The following PPP1R14C variants were observed in gnomAD, a reference collection of about 807,000 sequenced individuals.
PPP1R14C encodes protein phosphatase 1 regulatory subunit 14C.
PPP1R14C carries 16 observed loss-of-function variants against 20.4 expected under a neutral mutation model. The ratio of observed to expected loss-of-function variants is 0.78; its 90% CI spans 0.53 to 1.19. The LOEUF is 1.19. Among genes scored for constraint, PPP1R14C ranks in the 50% most tolerant of loss-of-function variants. The probability of loss-of-function intolerance (pLI) is 0.00; values close to 1 mark genes in which losing one functional copy is unlikely to be tolerated. For synonymous variants in PPP1R14C, 91 were observed against 91.0 expected (o/e 1.00, Z 0.00); for missense variants, 211 against 220.1 (o/e 0.96, Z 0.26).
chr6:150,195,010 C>T, intron 1 of PPP1R14C: 3 of 985,020 alleles, frequency 3.0e-6, no homozygotes, highest in African/African-American at 3.5e-5. Context: ...TTGTACTTTA[C>T]TTACATACCT....
At chr6:150,171,883 G>A (rs907136561) in intron 1 of PPP1R14C, among the ~76,000 whole-genome samples, 10 of 152,056 alleles carry the variant, frequency 6.6e-5, no homozygotes, top group South Asian at 6.2e-4. Context: ...TTGGCTCACC[G>A]CAACCTCTGC....
intron 1 of PPP1R14C, among the ~76,000 whole-genome samples, chr6:150,188,635 C>A (rs553877677): frequency 6.6e-6 from 1 of 150,500 alleles, no homozygotes; most frequent in Non-Finnish European, 1.5e-5. Context: ...TACAGGCGCC[C>A]ACCACCACGC....
At chr6:150,151,189 C>A (rs1011490622) in intron 1 of PPP1R14C, among the ~76,000 whole-genome samples, 2 of 152,136 alleles carry the variant, frequency 1.3e-5, no homozygotes, top group South Asian at 4.2e-4. Flanking sequence ...TGTATTCAGA[C>A]AACTTTGAAA....
chr6:150,198,893 G>A (rs1390621327), intron 1 of PPP1R14C, among the ~76,000 whole-genome samples: 1 of 152,158 alleles, frequency 6.6e-6, no homozygotes. Flanking sequence ...CTAGCACAGT[G>A]CCCTGCCTGC....
chr6:150,215,517 C>T (rs1388741242), intron 2 of PPP1R14C, among the ~76,000 whole-genome samples: 1 of 152,058 alleles, frequency 6.6e-6, no homozygotes, highest in African/African-American at 2.4e-5. Context: ...TGTTGGTGAC[C>T]ACAAATGGCA....
chr6:150,148,317 C>CTG (rs1777201769), intron 1 of PPP1R14C, among the ~76,000 whole-genome samples: 1 of 152,036 alleles, frequency 6.6e-6, no homozygotes, highest in Non-Finnish European at 1.5e-5. Context: ...CCAGGACTCT[C>CTG]AGCTGGGATG....
intron 1 of PPP1R14C, among the ~76,000 whole-genome samples, chr6:150,178,826 C>T (rs963351016): frequency 6.6e-6 from 1 of 151,466 alleles, no homozygotes; most frequent in African/African-American, 2.4e-5. Flanking sequence ...ATTTTCAGAT[C>T]TCACAGGGGA....
chr6:150,248,771 G>T lies in PPP1R14C; in HGVS notation c.449G>T (p.Arg150Leu). The change falls in exon 4 of 4, where the codon CGG (arginine) becomes CTG (leucine). Residue 150 changes from arginine (R) to leucine (L), a missense_variant. By Grantham distance (102) the Arg-to-Leu change is moderately radical (BLOSUM62 -2). Transcript: ENST00000361131. ...TEEFIKELLS[R>L]IRGMRKLSPP... is the part of the protein sequence containing the mutation. Reference sequence around the variant, plus strand: ...GAATTTATCAAAGAGCTGCTTTCTCGGATAAGAGGCATGAGGAAACTGAGC... The same window carrying T: ...GAATTTATCAAAGAGCTGCTTTCTCTGATAAGAGGCATGAGGAAACTGAGC... 1.2e-6 allele frequency: 2 copies of T among 1,612,738 alleles called. No homozygotes were observed.
At chr6:150,181,941 G>T (rs548216784) in intron 1 of PPP1R14C, among the ~76,000 whole-genome samples, 85 of 152,180 alleles carry the variant, frequency 5.6e-4, no homozygotes, top group Non-Finnish European at 1.1e-3. Flanking sequence ...CTTCTTCTTC[G>T]TCCGTAGCAG....
chr6:150,144,763 G>T (rs1777163558), intron 1 of PPP1R14C, among the ~76,000 whole-genome samples: 1 of 152,228 alleles, frequency 6.6e-6, no homozygotes, highest in African/African-American at 2.4e-5. Flanking sequence ...TTGACTGTAT[G>T]ACTAATGGGG....
At chr6:150,176,080 G>T (rs1317541846) in intron 1 of PPP1R14C, among the ~76,000 whole-genome samples, 1 of 152,202 alleles carries the variant, frequency 6.6e-6, no homozygotes, top group Non-Finnish European at 1.5e-5. Context: ...TTTCTTGGGG[G>T]TTATCCCTTG....
At chr6:150,154,845 C>G (rs1777289058) in intron 1 of PPP1R14C, among the ~76,000 whole-genome samples, 1 of 152,100 alleles carries the variant, frequency 6.6e-6, no homozygotes, top group Admixed American at 6.5e-5. Flanking sequence ...TATTGGCTTT[C>G]AAGTTAAGTT....
intron 1 of PPP1R14C, among the ~76,000 whole-genome samples, chr6:150,172,217 G>A (rs1283984848): frequency 5.3e-5 from 8 of 152,246 alleles, no homozygotes; most frequent in Non-Finnish European, 8.8e-5. Flanking sequence ...ATCATTAGAC[G>A]GGTTATAGAT....
intron 1 of PPP1R14C, among the ~76,000 whole-genome samples, chr6:150,156,906 G>T (rs910566015): frequency 6.6e-6 from 1 of 152,194 alleles, no homozygotes; most frequent in Non-Finnish European, 1.5e-5. Flanking sequence ...ATGAAAACTT[G>T]TCTGTACTTA....
At chr6:150,234,848 C>CA (rs56139981) in intron 3 of PPP1R14C, among the ~76,000 whole-genome samples, 1,479 of 41,766 alleles carry the variant, frequency 0.035, 208 homozygotes, top group African/African-American at 0.086. Flanking sequence ...GACTCTGTCT[C>CA]AAAAAAAAAA....
At chr6:150,216,411 A>C (rs1778093571) in intron 2 of PPP1R14C, among the ~76,000 whole-genome samples, 1 of 152,126 alleles carries the variant, frequency 6.6e-6, no homozygotes, top group South Asian at 2.1e-4. Flanking sequence ...CAGGAGAATC[A>C]CTTGAACTGG....
chr6:150,143,581 C>A lies in PPP1R14C; in HGVS notation c.306+83C>A. 9.6e-7 allele frequency: 1 copy of A among 1,039,602 alleles called. No homozygotes were observed. Among genetic ancestry groups the A allele is most frequent in the Non-Finnish European group, 1.4e-6 (1 of 723,512 alleles). The allele number at this position is 1,039,602 out of a possible 1,614,324, so 64.4% of individuals were successfully genotyped here. On this transcript the variant is annotated intron_variant, in intron 1 of 3. Transcript: ENST00000361131. The surrounding 1 kb of genome is among the most constrained non-coding windows in gnomAD (Gnocchi z 5.6). ...CAGTAATTTTCCCGGGCTCCAGCTC[C>A]GGGGCGCGCATGTCCCTGACTCCCG...
chr6:150,208,981 G>A (rs183087423), intron 1 of PPP1R14C, among the ~76,000 whole-genome samples: 3 of 152,178 alleles, frequency 2.0e-5, no homozygotes, highest in Admixed American at 6.5e-5. Context: ...CTTTTTATAC[G>A]CTTCCTATGC....
intron 1 of PPP1R14C, among the ~76,000 whole-genome samples, chr6:150,206,710 AC>A (rs1381367405): frequency 1.3e-5 from 2 of 152,148 alleles, no homozygotes; most frequent in Non-Finnish European, 2.9e-5. Flanking sequence ...CCAGAAGTGA[AC>A]CTTCGTAGGA....
Sources: gnomAD v4.1 joint callset for allele counts (sites outside exome capture counted in the v4.1 genomes callset) on GRCh38, gnomAD v4.1.1 for gene constraint, Gnocchi (gnomAD v3.1) non-coding constraint, MANE v1.5 for transcripts, NCBI Gene and HGNC (gene_info 2026-07-23, HGNC 2026-07-21) for gene names.